The following POLR3G variants were observed in gnomAD, a reference collection of about 807,000 sequenced individuals.
POLR3G encodes DNA-directed RNA polymerase III subunit RPC7.
Under a neutral mutation model 30.1 loss-of-function variants are expected in POLR3G, and 28 were observed. The ratio of observed to expected loss-of-function variants is 0.93; its 90% CI spans 0.69 to 1.27. The LOEUF is 1.27. POLR3G is among the 50% of genes most tolerant of loss of function. The pLI, the probability that POLR3G is intolerant of heterozygous loss-of-function variation, is 0.00. For synonymous variants in POLR3G, 79 were observed against 82.5 expected (o/e 0.96, Z 0.23); for missense variants, 254 against 264.6 (o/e 0.96, Z 0.28).
chr5:90,511,252 T>G (rs913955333), intron 7 of POLR3G, among the ~76,000 whole-genome samples: 1 of 152,196 alleles, frequency 6.6e-6, no homozygotes, highest in African/African-American at 2.4e-5. Context: ...ACTGTATCAT[T>G]ATAACACCCC....
chr5:90,477,269 A>G (rs1181090885), intron 1 of POLR3G, among the ~76,000 whole-genome samples: 3 of 152,198 alleles, frequency 2.0e-5, no homozygotes, highest in Non-Finnish European at 4.4e-5. Flanking sequence ...CAGGCATGCA[A>G]TGGTTGACTT....
At chr5:90,499,129 A>C (rs1014249664) in intron 5 of POLR3G, among the ~76,000 whole-genome samples, 1 of 152,198 alleles carries the variant, frequency 6.6e-6, no homozygotes, top group Non-Finnish European at 1.5e-5. Context: ...ATGGACCTCA[A>C]AATGGAGATA....
chr5:90,487,627 G>A (rs531544223), intron 2 of POLR3G, among the ~76,000 whole-genome samples: 6 of 151,920 alleles, frequency 3.9e-5, no homozygotes, highest in Non-Finnish European at 7.4e-5. Context: ...TCCTGACCTC[G>A]TGATCCACCT....
chr5:90,482,731 C>T (rs759638245), intron 1 of POLR3G, among the ~76,000 whole-genome samples: 3 of 152,180 alleles, frequency 2.0e-5, no homozygotes, highest in Non-Finnish European at 4.4e-5. Flanking sequence ...GTGGCCCCCA[C>T]CCAGGAACTG....
rs760938267 is a variant in POLR3G at position 90,512,320 on chromosome 5, CCT to C, written c.*182_*183del. 106 of 541,058 alleles carry C rather than the reference CCT, an allele frequency of 2.0e-4. No individual in the cohort carries two copies. The Middle Eastern group carries it at 4.6e-3, about 24-fold the overall frequency. The allele number at this position is 541,058 out of a possible 1,614,324, so 33.5% of individuals were successfully genotyped here. A position where few individuals can be genotyped will look rare whatever the true frequency, so the allele number is the denominator to read the frequency against. On this transcript the variant is annotated 3_prime_UTR_variant, in exon 8 of 8. Coordinates refer to ENST00000651687, the MANE Select transcript of POLR3G (RefSeq NM_006467.3). ...ATACTAGTTACCTTAAAAATTATTC[CCT>C]GACACTCTGACATTCCTTCTAAACA... is the stretch of plus-strand genomic sequence containing the variant.
At chr5:90,500,684 T>G (rs1752205237) in intron 5 of POLR3G, among the ~76,000 whole-genome samples, 1 of 152,150 alleles carries the variant, frequency 6.6e-6, no homozygotes, top group East Asian at 1.9e-4. Flanking sequence ...GTTTGGGAGC[T>G]CTGAGCTCAG....
At chr5:90,496,541 C>T (rs1399206908) in intron 4 of POLR3G, among the ~76,000 whole-genome samples, 1 of 152,188 alleles carries the variant, frequency 6.6e-6, no homozygotes. Context: ...AGAAGCTTTA[C>T]CTTGGGTATG....
intron 6 of POLR3G, chr5:90,502,199 T>C: frequency 1.0e-6 from 1 of 985,370 alleles, no homozygotes; most frequent in Non-Finnish European, 1.2e-6. Flanking sequence ...ACCACTCACC[T>C]GGCCACTTAC....
At chr5:90,492,630 C>T (rs1751780310) in intron 3 of POLR3G, among the ~76,000 whole-genome samples, 1 of 151,988 alleles carries the variant, frequency 6.6e-6, no homozygotes, top group Admixed American at 6.6e-5. Context: ...CCCCTGTAAT[C>T]CCAGCACTTT....
At chr5:90,489,258 ATTTTTT>A (rs527243253) in intron 3 of POLR3G, among the ~76,000 whole-genome samples, 2 of 138,276 alleles carry the variant, frequency 1.4e-5, no homozygotes, top group East Asian at 2.1e-4. Flanking sequence ...AAAATACTTA[ATTTTTT>A]TTTTTTTTTT....
chr5:90,509,214 T>C (rs1752626089), intron 7 of POLR3G, among the ~76,000 whole-genome samples: 1 of 152,222 alleles, frequency 6.6e-6, no homozygotes, highest in African/African-American at 2.4e-5. Context: ...GGTACATTTT[T>C]ATGGTCTCTG....
chr5:90,474,921 G>C lies in POLR3G; in HGVS notation c.-143G>C, dbSNP rs934310149. 11 of 152,558 alleles carry C rather than the reference G, an allele frequency of 7.2e-5. No homozygotes were observed. The highest frequency in any genetic ancestry group is 2.7e-4 in the African/African-American group (11 of 41,476). The allele number at this position is 152,558 out of a possible 1,614,324, so 9.5% of individuals were successfully genotyped here. On this transcript the variant is annotated 5_prime_UTR_variant, in exon 1 of 8. Coordinates refer to ENST00000651687, the MANE Select transcript of POLR3G (RefSeq NM_006467.3). ...TGCGCGCTTCTCCCGAGGTGGAACGGGCGGCAGTCAAGCGCCGGCGTTCTC... is the reference window on the plus strand; with the variant it reads ...TGCGCGCTTCTCCCGAGGTGGAACGCGCGGCAGTCAAGCGCCGGCGTTCTC...
rs773881344 is a variant in POLR3G, at chr5:90,478,569, C to CTTTTTTTTTTT, written c.-44+3556_-44+3566dup. Reference sequence around the variant, plus strand: ...AATGGGAGGTTTAATCTGCGTGGTTCTTTTTTTTTTTTTTTTTGAGAGGGA... The same window carrying CTTTTTTTTTTT: ...AATGGGAGGTTTAATCTGCGTGGTTCTTTTTTTTTTTTTTTTTTTTTTTTTTTTGAGAGGGA... On this transcript the variant is annotated intron_variant, in intron 1 of 7. Coordinates refer to ENST00000651687, the MANE Select transcript of POLR3G (RefSeq NM_006467.3). Among the ~76,000 whole-genome samples, 291 of 79,298 alleles carry CTTTTTTTTTTT rather than the reference C, an allele frequency of 3.7e-3. 61 individuals carry two copies. Among genetic ancestry groups the CTTTTTTTTTTT allele is most frequent in the African/African-American group, 0.013 (251 of 19,784 alleles). The allele number at this position is 79,298 out of a possible 152,430, so 52.0% of individuals were successfully genotyped here. A position where few individuals can be genotyped will look rare whatever the true frequency, so the allele number is the denominator to read the frequency against.
chr5:90,489,563 G>A (rs1214094997), intron 3 of POLR3G, among the ~76,000 whole-genome samples: 3 of 151,884 alleles, frequency 2.0e-5, no homozygotes, highest in Non-Finnish European at 4.4e-5. Flanking sequence ...CACCATGCCC[G>A]GCCTAATACT....
At chr5:90,474,658 G>A, upstream of POLR3G, 4 of 296,290 alleles carry the variant, frequency 1.4e-5, 1 homozygote, top group South Asian at 1.3e-4. Context: ...CCCCGGGCGT[G>A]TGACAGCAGA....
upstream of POLR3G, chr5:90,474,048 G>T: frequency 6.3e-7 from 1 of 1,588,776 alleles, no homozygotes; most frequent in Non-Finnish European, 8.6e-7. Flanking sequence ...GTGCACGTGG[G>T]TGGCCACGGC....
intron 6 of POLR3G, among the ~76,000 whole-genome samples, chr5:90,503,566 CTG>C (rs1395290822): frequency 1.3e-5 from 2 of 152,198 alleles, no homozygotes; most frequent in African/African-American, 4.8e-5. Flanking sequence ...GTGTAACAAA[CTG>C]TGTTTCCATA....
chr5:90,495,994 T>A (rs955447745), intron 4 of POLR3G, among the ~76,000 whole-genome samples: 1 of 151,848 alleles, frequency 6.6e-6, no homozygotes, highest in Non-Finnish European at 1.5e-5. Flanking sequence ...TTTTTTGAGA[T>A]GGAGTCTTGC....
intron 7 of POLR3G, among the ~76,000 whole-genome samples, chr5:90,511,430 T>A (rs1443253053): frequency 6.6e-6 from 1 of 152,218 alleles, no homozygotes; most frequent in Non-Finnish European, 1.5e-5. Context: ...GGATTTTTGA[T>A]TGTAAGATAC....
Sources: allele counts gnomAD v4.1 joint callset (sites outside exome capture counted in the v4.1 genomes callset), GRCh38; gene constraint gnomAD v4.1.1; transcripts MANE v1.5; gene names NCBI Gene and HGNC (gene_info 2026-07-23, HGNC 2026-07-21).